Variants in TMOD1 observed in about 807,000 individuals in gnomAD.
TMOD1 encodes the protein tropomodulin-1.
Under a neutral mutation model 40.6 loss-of-function variants are expected in TMOD1, and 17 were observed. The ratio of observed to expected loss-of-function variants is 0.42; its 90% confidence interval spans 0.29 to 0.63. The LOEUF (loss-of-function observed/expected upper bound fraction) is 0.63. Ranked by LOEUF, TMOD1 falls within the 20% of genes least tolerant of loss-of-function variation. The probability of loss-of-function intolerance (pLI) is 0.22; values close to 1 mark genes in which losing one functional copy is unlikely to be tolerated. For synonymous variants in TMOD1, 181 were observed against 175.0 expected (o/e 1.03, Z -0.27); for missense variants, 391 against 447.6 (o/e 0.87, Z 1.14).
intron 8 of TMOD1, among the ~76,000 whole-genome samples, chr9:97,581,737 GA>G (rs1262767712): frequency 6.6e-6 from 1 of 151,884 alleles, no homozygotes; most frequent in African/African-American, 2.4e-5. Flanking sequence ...GCATTTCTCT[GA>G]TGGCCAGTGA....
In TMOD1 at chr9:97,562,754, C is replaced by A. The variant is rs1830660515; in HGVS notation, c.420C>A (p.Leu140=). ...DIAAILGMHT[L]MSNQQYYQAL... is the part of the protein sequence containing the mutation. ...CAGCGATCCTGGGCATGCACACGCT[C>A]ATGAGTAACCAGCAGTACTACCAGG... Residue 140 remains leucine (L), a synonymous_variant, in exon 5 of 10, where the codon CTC becomes CTA. Coordinates refer to ENST00000259365, the MANE Select transcript of TMOD1 (RefSeq NM_003275.4). The A allele has an allele frequency of 1.3e-6, 2 of 1,572,654 alleles. No homozygotes were observed. Among genetic ancestry groups the A allele is most frequent in the Non-Finnish European group, 1.7e-6 (2 of 1,164,196 alleles).
intron 4 of TMOD1, among the ~76,000 whole-genome samples, chr9:97,556,899 AGGCCCCT>A (rs1181359933): frequency 6.6e-6 from 1 of 152,162 alleles, no homozygotes; most frequent in Non-Finnish European, 1.5e-5. Context: ...TGGGGAGGGC[AGGCCCCT>A]CTGAACGGAG....
At chr9:97,531,644 T>C (rs1246292278) in intron 2 of TMOD1, among the ~76,000 whole-genome samples, 7 of 151,842 alleles carry the variant, frequency 4.6e-5, no homozygotes, top group African/African-American at 1.5e-4. Flanking sequence ...GGGCCATGAA[T>C]TGCAGGACGA....
chr9:97,505,291 G>A (rs75266562), intron 1 of TMOD1, among the ~76,000 whole-genome samples: 2,900 of 152,284 alleles, frequency 0.019, 111 homozygotes, highest in African/African-American at 0.067. Flanking sequence ...GGAGGAAAGA[G>A]GGAGGGAGAG....
At chr9:97,519,814 C>T (rs976143742) in intron 1 of TMOD1, among the ~76,000 whole-genome samples, 2 of 151,974 alleles carry the variant, frequency 1.3e-5, no homozygotes, top group Admixed American at 1.3e-4. Context: ...CAGCATGGCT[C>T]GGGGAAAGGA....
At chr9:97,555,490 T>G in intron 4 of TMOD1, 1 of 1,441,046 alleles carries the variant, frequency 6.9e-7, no homozygotes, top group Middle Eastern at 2.6e-4. Context: ...TTCTTGAAAC[T>G]ACTTCTCTTT....
chr9:97,511,898 T>C (rs1360159153), intron 1 of TMOD1, among the ~76,000 whole-genome samples: 1 of 152,112 alleles, frequency 6.6e-6, no homozygotes, highest in Non-Finnish European at 1.5e-5. Flanking sequence ...CCTCAGGCAG[T>C]TTTTATTGTT....
At chr9:97,508,211 C>T (rs1016458870) in intron 1 of TMOD1, among the ~76,000 whole-genome samples, 79 of 151,178 alleles carry the variant, frequency 5.2e-4, no homozygotes, top group Non-Finnish European at 9.0e-4. Flanking sequence ...TTTTTTGAGA[C>T]AGAGTCTCGC....
intron 9 of TMOD1, 23 bp from the exon 10 acceptor site, chr9:97,599,611 A>G: frequency 6.2e-7 from 1 of 1,614,090 alleles, no homozygotes; most frequent in South Asian, 1.1e-5. Context: ...AGTGCCTTAT[A>G]TCTTATCTCC....
intron 7 of TMOD1, among the ~76,000 whole-genome samples, chr9:97,566,482 C>A (rs930364281): frequency 6.6e-6 from 1 of 152,012 alleles, no homozygotes; most frequent in Non-Finnish European, 1.5e-5. Flanking sequence ...ACCAGCCTGG[C>A]CAACATGGTG....
At chr9:97,551,907 T>C (rs1391827651) in intron 3 of TMOD1, among the ~76,000 whole-genome samples, 1 of 152,232 alleles carries the variant, frequency 6.6e-6, no homozygotes, top group South Asian at 2.1e-4. Context: ...ACCCCTTTGG[T>C]TGAATTTATT....
chr9:97,547,389 G>C (rs1830381948), intron 3 of TMOD1, among the ~76,000 whole-genome samples: 1 of 152,162 alleles, frequency 6.6e-6, no homozygotes, highest in Non-Finnish European at 1.5e-5. Flanking sequence ...ATAATAGTCA[G>C]AAACAGCCTG....
chr9:97,541,531 T>A (rs975765214), intron 2 of TMOD1, among the ~76,000 whole-genome samples: 3 of 151,412 alleles, frequency 2.0e-5, no homozygotes, highest in Non-Finnish European at 4.4e-5. Flanking sequence ...TTTATTTTTT[T>A]TTTTGAGACA....
At chr9:97,539,794 G>A (rs576093479) in intron 2 of TMOD1, among the ~76,000 whole-genome samples, 2 of 151,884 alleles carry the variant, frequency 1.3e-5, no homozygotes, top group South Asian at 2.1e-4. Context: ...GTGAAACCCC[G>A]TCTTTACTAA....
intron 2 of TMOD1, among the ~76,000 whole-genome samples, chr9:97,527,453 G>A (rs1830034238): frequency 6.6e-6 from 1 of 152,192 alleles, no homozygotes; most frequent in South Asian, 2.1e-4. Flanking sequence ...ACTCTTACTG[G>A]TGCAAGGCAT....
chr9:97,588,574 C>T (rs1025229646), intron 8 of TMOD1, among the ~76,000 whole-genome samples: 1 of 152,024 alleles, frequency 6.6e-6, no homozygotes, highest in South Asian at 2.1e-4. Context: ...TGTTGAAGCA[C>T]AAAAGTTTTA....
In TMOD1 at chr9:97,566,814, A is replaced by G. The variant is rs549659496; in HGVS notation, c.726+859A>G. On this transcript the variant is annotated intron_variant, in intron 7 of 9. Coordinates refer to ENST00000259365, the MANE Select transcript of TMOD1 (RefSeq NM_003275.4). ...TGTACTTACTCTGAAGTAGCCATCA[A>G]CTCTTCTTTTTAAACATCCAGCACA... is the stretch of plus-strand genomic sequence containing the variant. 5.3e-5 allele frequency among the ~76,000 whole-genome samples: 8 copies of G among 152,080 alleles called. No individual in the cohort carries two copies. The South Asian group carries it at 1.7e-3, about 32-fold the overall frequency.
At chr9:97,597,715 T>C (rs1037404253) in intron 9 of TMOD1, among the ~76,000 whole-genome samples, 1 of 44,878 alleles carries the variant, frequency 2.2e-5, no homozygotes. Context: ...AAAAAAAAAA[T>C]AGGCAAGCCA....
At position 97,524,107 on chromosome 9, in the gene TMOD1, A is replaced by G. The variant is rs1171667502; in HGVS notation, c.-48-34A>G. ...TTTGCTCTGAGAGAGCAAATCTGAG[A>G]CGGGTCTTTCTAAGGTTCTTGTCTT... On this transcript the variant is annotated intron_variant, in intron 1 of 9. Transcript: ENST00000259365. 2.0e-6 allele frequency: 3 copies of G among 1,504,980 alleles called. No homozygotes were observed. In the African/African-American group the frequency reaches 4.2e-5, roughly 21 times the overall value. 93.2% of individuals were successfully genotyped at this position (1,504,980 alleles called of 1,614,324 possible).
Sources: gnomAD v4.1 joint callset for allele counts (sites outside exome capture counted in the v4.1 genomes callset) on GRCh38, gnomAD v4.1.1 for gene constraint, MANE v1.5 for transcripts, NCBI Gene and HGNC (gene_info 2026-07-23, HGNC 2026-07-21) for gene names.